TMEM132C: variants seen among roughly 807,000 people sequenced by gnomAD.
The protein encoded by TMEM132C is transmembrane protein 132C, also known as protein phosphatase 1, regulatory subunit 152.
TMEM132C carries 29 observed loss-of-function variants against 61.4 expected under a neutral mutation model. The observed-to-expected ratio is 0.47, with a 90% CI of 0.35 to 0.64. TMEM132C has a LOEUF of 0.64. TMEM132C is among the 30% of genes least tolerant of loss of function. TMEM132C has a pLI of 0.00. For synonymous variants in TMEM132C, 656 were observed against 633.1 expected, an observed-to-expected ratio of 1.04 and a Z score of -0.54; for missense variants, 1,408 against 1,476.9, an observed-to-expected ratio of 0.95 and a Z score of 0.76.
intron 2 of TMEM132C, among the ~76,000 whole-genome samples, chr12:128,519,932 CT>C (rs1428645061): frequency 1.3e-5 from 2 of 152,226 alleles, no homozygotes; most frequent in Non-Finnish European, 2.9e-5. Flanking sequence ...CCCCTGGTTA[CT>C]TTCAGTAACC....
chr12:128,310,672 A>C (rs1229392854), intron 1 of TMEM132C, among the ~76,000 whole-genome samples: 5 of 151,920 alleles, frequency 3.3e-5, no homozygotes, highest in Admixed American at 3.3e-4. Context: ...ACCAGACCCC[A>C]CCTCCAATAC....
intron 5 of TMEM132C, among the ~76,000 whole-genome samples, chr12:128,677,674 C>T (rs1417648598): frequency 3.9e-5 from 6 of 152,214 alleles, no homozygotes; most frequent in Admixed American, 2.0e-4. Flanking sequence ...GTCCTCAGCC[C>T]TGCATGTGCC....
chr12:128,568,654 A>G (rs1384492383), intron 3 of TMEM132C, among the ~76,000 whole-genome samples: 1 of 152,160 alleles, frequency 6.6e-6, no homozygotes, highest in Non-Finnish European at 1.5e-5. Flanking sequence ...GGGGATTTCA[A>G]CTAGCTCAGA....
At chr12:128,670,893 C>A (rs59433391) in intron 5 of TMEM132C, among the ~76,000 whole-genome samples, 1 of 151,940 alleles carries the variant, frequency 6.6e-6, no homozygotes, top group Non-Finnish European at 1.5e-5. Context: ...TCCAAAAGAA[C>A]GGAAAATCTA....
chr12:128,366,063 G>T (rs1020270329), intron 1 of TMEM132C, among the ~76,000 whole-genome samples: 1 of 152,208 alleles, frequency 6.6e-6, no homozygotes. Context: ...TTCGGAAGGC[G>T]CTGTGAATGC....
At chr12:128,686,043 G>C (rs908271879) in intron 5 of TMEM132C, among the ~76,000 whole-genome samples, 1 of 137,296 alleles carries the variant, frequency 7.3e-6, no homozygotes, top group African/African-American at 2.6e-5. Flanking sequence ...GTGTATTCGC[G>C]CGTGTGTGCA....
chr12:128,705,956 C>T lies in TMEM132C; in HGVS notation c.2988C>T (p.Thr996=). Reference sequence around the variant, plus strand: ...CGCCGCCCCAGGACGAGCACACCACCATCATAGACCGCGGACCGGGGGCCT... The same window carrying T: ...CGCCGCCCCAGGACGAGCACACCACTATCATAGACCGCGGACCGGGGGCCT... ...DAPPPQDEHT[T]IIDRGPGACE... is the part of the protein sequence containing the mutation. The change falls in exon 9 of 9, where the codon ACC becomes ACT. Residue 996 remains threonine, a synonymous_variant. Coordinates refer to ENST00000435159, the MANE Select transcript of TMEM132C (RefSeq NM_001136103.3). 1 of 1,551,568 alleles carries T rather than the reference C, an allele frequency of 6.4e-7. No individual in the cohort carries two copies. Among genetic ancestry groups the T allele is most frequent in the Non-Finnish European group, 8.7e-7 (1 of 1,146,972 alleles).
intron 1 of TMEM132C, among the ~76,000 whole-genome samples, chr12:128,360,073 A>G (rs963156394): frequency 1.3e-5 from 2 of 152,162 alleles, no homozygotes; most frequent in African/African-American, 4.8e-5. Flanking sequence ...ACAGGTATTT[A>G]TTGTTTCTGA....
chr12:128,315,580 G>A lies in TMEM132C; in HGVS notation c.85+48093G>A, dbSNP rs76461954. 3.7e-3 allele frequency among the ~76,000 whole-genome samples: 559 copies of A among 152,152 alleles called. 17 individuals carry two copies. The East Asian group carries it at 0.07, about 19-fold the overall frequency. ...GGTTGACTCTCTTGCAGGAAGGGTC[G>A]GGAGCCTATGGTGGCAGGACAGAGA... On this transcript the variant is annotated intron_variant, in intron 1 of 8. Transcript: ENST00000435159.
At chr12:128,674,997 G>A (rs1954569660) in intron 5 of TMEM132C, among the ~76,000 whole-genome samples, 2 of 151,416 alleles carry the variant, frequency 1.3e-5, no homozygotes, top group African/African-American at 4.9e-5. Context: ...TGTGTAGATG[G>A]GACAGTACCC....
intron 1 of TMEM132C, among the ~76,000 whole-genome samples, chr12:128,350,567 C>T (rs896223364): frequency 6.6e-5 from 10 of 151,966 alleles, no homozygotes; most frequent in African/African-American, 1.4e-4. Flanking sequence ...GGAAGAGCAA[C>T]GGTGAGATGG....
chr12:128,524,095 T>C (rs533148272), intron 2 of TMEM132C, among the ~76,000 whole-genome samples: 1 of 152,194 alleles, frequency 6.6e-6, no homozygotes, highest in African/African-American at 2.4e-5. Flanking sequence ...TGTGATTCTT[T>C]TGAGTCATTC....
chr12:128,384,297 C>T (rs897417785), intron 1 of TMEM132C, among the ~76,000 whole-genome samples: 1 of 152,174 alleles, frequency 6.6e-6, no homozygotes, highest in African/African-American at 2.4e-5. Flanking sequence ...CGCACCCTCC[C>T]TGCAGAAGAA....
At position 128,705,999 on chromosome 12, in the gene TMEM132C, C is replaced by T; in HGVS notation, c.3031C>T (p.Leu1011Phe). ...GGGGGCCTGCGAGGAGAGCAACCAT[C>T]TCCTGCTCAATGGTGGCTCCCACAA... ...GPGACEESNH[L>F]LLNGGSHKHV... Residue 1011 changes from leucine (L) to phenylalanine (F), a missense_variant, in exon 9 of 9, where the codon CTC (leucine) becomes TTC (phenylalanine). By Grantham distance (22) the Leu-to-Phe change is conservative. Coordinates refer to ENST00000435159, the MANE Select transcript of TMEM132C (RefSeq NM_001136103.3). 6.4e-7 allele frequency: 1 copy of T among 1,551,742 alleles called. No homozygotes were observed. The highest frequency in any genetic ancestry group is 8.7e-7 in the Non-Finnish European group (1 of 1,146,998).
In TMEM132C at chr12:128,705,319, G is replaced by T. The variant is rs1316723217; in HGVS notation, c.2351G>T (p.Arg784Leu). The change falls in exon 9 of 9, where the codon CGC (arginine) becomes CTC (leucine). Residue 784 changes from arginine to leucine, a missense_variant. By Grantham distance (102) the Arg-to-Leu change is moderately radical. Transcript: ENST00000435159. ...TIAEACQKSK[R>L]KSILAVGVGN... The stretch of plus-strand genomic sequence containing the variant: ...GCCGAGGCCTGCCAGAAATCTAAAC[G>T]CAAGAGCATCCTGGCTGTGGGCGTC... The T allele has an allele frequency of 1.3e-6, 2 of 1,551,278 alleles. No individual in the cohort carries two copies. The highest frequency in any genetic ancestry group is 2.4e-5 in the South Asian group (2 of 84,054).
chr12:128,536,704 CA>C (rs372132772), intron 2 of TMEM132C, among the ~76,000 whole-genome samples: 8 of 152,102 alleles, frequency 5.3e-5, no homozygotes, highest in African/African-American at 1.9e-4. Flanking sequence ...TTTAACTATT[CA>C]CAAGAATGTA....
At chr12:128,427,428 G>A (rs7487355) in intron 2 of TMEM132C, among the ~76,000 whole-genome samples, 63,689 of 129,042 alleles carry the variant, frequency 0.49, 15,290 homozygotes, top group Non-Finnish European at 0.53. Context: ...GTGTGTGTGT[G>A]TATATATATT....
At chr12:128,645,526 T>C (rs1954189672) in intron 4 of TMEM132C, among the ~76,000 whole-genome samples, 1 of 152,130 alleles carries the variant, frequency 6.6e-6, no homozygotes, top group African/African-American at 2.4e-5. Context: ...CCCCAAATCC[T>C]CACTTGATGA....
chr12:128,590,531 C>T (rs769442446), intron 3 of TMEM132C, among the ~76,000 whole-genome samples: 5 of 152,186 alleles, frequency 3.3e-5, no homozygotes, highest in Non-Finnish European at 5.9e-5. Context: ...AGGTTCCCAA[C>T]GAGGGACTCC....
Sources: gnomAD v4.1 joint callset for allele counts (sites outside exome capture counted in the v4.1 genomes callset) on GRCh38, gnomAD v4.1.1 for gene constraint, MANE v1.5 for transcripts, NCBI Gene and HGNC (gene_info 2026-07-23, HGNC 2026-07-21) for gene names.